The following TUBGCP2 variants were observed in gnomAD, a reference collection of about 807,000 sequenced individuals.
The protein encoded by TUBGCP2 is tubulin gamma complex component 2, also known as gamma-tubulin complex component 2.
In TUBGCP2, 55 loss-of-function variants were observed where a neutral mutation model predicts 92.2. The observed-to-expected ratio is 0.60, with a 90% CI of 0.48 to 0.75. The LOEUF (loss-of-function observed/expected upper bound fraction) is 0.75. TUBGCP2 is among the 30% of genes least tolerant of loss of function. The pLI, the probability that TUBGCP2 is intolerant of heterozygous loss-of-function variation, is 0.00. For missense variants in TUBGCP2, 1,093 were observed against 1,188.9 expected (o/e 0.92, Z 1.19); for synonymous variants, 533 against 505.2 (o/e 1.06, Z -0.74).
chr10:133,280,122 G>A (rs1045528070), intron 17 of TUBGCP2, among the ~76,000 whole-genome samples: 9 of 152,354 alleles, frequency 5.9e-5, no homozygotes, highest in Admixed American at 3.9e-4. Flanking sequence ...TTCAGCTACA[G>A]AGACCATAAG....
chr10:133,294,135 G>T, intron 5 of TUBGCP2, among the ~76,000 whole-genome samples: 1 of 152,170 alleles, frequency 6.6e-6, no homozygotes, highest in East Asian at 1.9e-4. Flanking sequence ...AGTTACTCTG[G>T]GACAAAAAAC....
upstream of TUBGCP2, chr10:133,309,307 G>T: frequency 6.7e-7 from 1 of 1,499,268 alleles, no homozygotes; most frequent in Non-Finnish European, 9.1e-7. Flanking sequence ...CGGGATGACT[G>T]GGGCCACGGG....
chr10:133,293,286 C>T, intron 6 of TUBGCP2, 48 bp from the exon 7 acceptor site: 1 of 1,590,050 alleles, frequency 6.3e-7, no homozygotes, highest in Non-Finnish European at 8.6e-7. Context: ...GCTGCAGGCA[C>T]ATACAATGTC....
chr10:133,288,274 T>C lies in TUBGCP2; in HGVS notation c.1577A>G (p.Asp526Gly). ...GAGGTCCATGAAGTGCACGAAGAAG[T>C]CGCCCTGGTCCATGAGGAAGTAGCG... ...IKRYFLMDQG[D>G]FFVHFMDLAE... The change falls in exon 11 of 18, where the codon GAC becomes GGC. Residue 526 changes from aspartate to glycine, a missense_variant. This residue lies in a region of TUBGCP2 where 598 missense variants were observed against 675.5 expected (regional missense o/e 0.89). Transcript: ENST00000252936. 2.5e-6 allele frequency: 4 copies of C among 1,613,580 alleles called. No homozygotes were observed. Among genetic ancestry groups the C allele is most frequent in the Non-Finnish European group, 3.4e-6 (4 of 1,179,942 alleles).
intron 5 of TUBGCP2, among the ~76,000 whole-genome samples, chr10:133,294,679 A>G (rs997821636): frequency 6.6e-6 from 1 of 151,606 alleles, no homozygotes; most frequent in African/African-American, 2.4e-5. Context: ...GCAGTGGTGC[A>G]ATCTCAGCTC....
At chr10:133,312,066 C>G (rs1848003101), upstream of TUBGCP2, 1 of 1,468,038 alleles carries the variant, frequency 6.8e-7, no homozygotes, top group Non-Finnish European at 9.0e-7. Flanking sequence ...CGCAGGAATG[C>G]CAAGCACCAC....
chr10:133,299,662 G>GA (rs1847588801), intron 3 of TUBGCP2, 59 bp from the exon 4 acceptor site: 2 of 1,455,240 alleles, frequency 1.4e-6, no homozygotes, highest in Non-Finnish European at 1.9e-6. Flanking sequence ...GCCATAGGGG[G>GA]AGAGTAGGGA....
chr10:133,287,965 C>T (rs991936116), intron 11 of TUBGCP2, among the ~76,000 whole-genome samples, 164 bp downstream of exon 11: 3 of 152,160 alleles, frequency 2.0e-5, no homozygotes, highest in South Asian at 4.1e-4. Flanking sequence ...CACAAAGACC[C>T]CCGATCCCGG....
chr10:133,310,639 CG>C (rs1232273762), upstream of TUBGCP2: 1 of 314,832 alleles, frequency 3.2e-6, no homozygotes, highest in East Asian at 8.1e-5. Context: ...TCACACCCCT[CG>C]GGGCCGTGTC....
At chr10:133,308,974 C>G, upstream of TUBGCP2, 6 of 1,243,692 alleles carry the variant, frequency 4.8e-6, no homozygotes, top group Non-Finnish European at 6.1e-6. Context: ...GTGCGCCCGC[C>G]TCGCTGCGGG....
At chr10:133,297,511 CTT>C (rs1372364740) in intron 5 of TUBGCP2, 2 of 401,422 alleles carry the variant, frequency 5.0e-6, no homozygotes, top group African/African-American at 4.2e-5. Context: ...TCACCCGCAT[CTT>C]GTTTACACGA....
chr10:133,300,215 T>C (rs1463235833), intron 2 of TUBGCP2, 102 bp from the exon 3 acceptor site: 1 of 1,351,354 alleles, frequency 7.4e-7, no homozygotes, highest in Non-Finnish European at 1.0e-6. Flanking sequence ...TGGAATTAAA[T>C]TGGGTAGGTT....
chr10:133,289,104 G>A, intron 9 of TUBGCP2, 84 bp from the exon 10 acceptor site: 2 of 1,474,520 alleles, frequency 1.4e-6, no homozygotes, highest in Non-Finnish European at 1.8e-6. Context: ...GGAGGCAGTG[G>A]AATGGACATT....
intron 1 of TUBGCP2, 70 bp from the exon 2 acceptor site, chr10:133,303,050 A>C: frequency 7.1e-7 from 1 of 1,399,380 alleles, no homozygotes; most frequent in Non-Finnish European, 9.8e-7. Context: ...TTAAACACTC[A>C]AGACTGGCCA....
chr10:133,304,605 C>G (rs1847762285), intron 1 of TUBGCP2, among the ~76,000 whole-genome samples: 1 of 152,178 alleles, frequency 6.6e-6, no homozygotes, highest in African/African-American at 2.4e-5. Context: ...CGGCAAGCCA[C>G]CCAGGTGCCG....
At chr10:133,300,894 A>G (rs1201689937) in intron 2 of TUBGCP2, among the ~76,000 whole-genome samples, 1 of 151,960 alleles carries the variant, frequency 6.6e-6, no homozygotes, top group Non-Finnish European at 1.5e-5. Context: ...TTTGTACTGG[A>G]GAGTAGCAAC....
chr10:133,292,091 CT>C (rs200602255), intron 8 of TUBGCP2, among the ~76,000 whole-genome samples: 4 of 10,800 alleles, frequency 3.7e-4, no homozygotes, highest in Non-Finnish European at 5.7e-4. Context: ...CTCCGTGTCC[CT>C]CCGTGTCCCT....
rs1259649253 is a variant in TUBGCP2 at position 133,285,820 on chromosome 10, A to G, written c.1723-192T>C. 2.6e-5 allele frequency among the ~76,000 whole-genome samples: 4 copies of G among 152,162 alleles called. No individual in the cohort carries two copies. On this transcript the variant is annotated intron_variant, in intron 11 of 17. Transcript: ENST00000252936. This position sits in a 1 kb window ranked among gnomAD's most constrained non-coding sequence, Gnocchi z 6.8. Reference sequence around the variant, plus strand: ...CAAATTCAAAACTGAACCACTTCCCATCAGAACAAAACAACAAAAATTCAG... The same window carrying G: ...CAAATTCAAAACTGAACCACTTCCCGTCAGAACAAAACAACAAAAATTCAG...
At chr10:133,307,619 C>A (rs1847856068) in intron 1 of TUBGCP2, among the ~76,000 whole-genome samples, 1 of 152,340 alleles carries the variant, frequency 6.6e-6, no homozygotes, top group South Asian at 2.1e-4. Context: ...GTGGCGCACA[C>A]TTGTAATCCC....
Sources: gnomAD v4.1 joint callset for allele counts (sites outside exome capture counted in the v4.1 genomes callset) on GRCh38, gnomAD v4.1.1 for gene constraint, gnomAD v4.1.1 regional missense constraint, Gnocchi (gnomAD v3.1) non-coding constraint, MANE v1.5 for transcripts, NCBI Gene and HGNC (gene_info 2026-07-23, HGNC 2026-07-21) for gene names.